The following RTKN2 variants were observed in gnomAD, a reference collection of about 807,000 sequenced individuals.
RTKN2 encodes rhotekin-2.
A neutral mutation model predicts 71.5 loss-of-function variants in RTKN2; 69 were observed. The ratio of observed to expected loss-of-function variants is 0.96; its 90% confidence interval spans 0.79 to 1.18. The LOEUF (loss-of-function observed/expected upper bound fraction) is 1.18, where lower values mean the gene tolerates loss of function less well. Ranked by LOEUF, RTKN2 falls within the 50% of genes most tolerant of loss-of-function variation. The pLI, the probability that RTKN2 is intolerant of heterozygous loss-of-function variation, is 0.00. For missense variants in RTKN2, 724 were observed against 719.7 expected (o/e 1.01, Z -0.07); for synonymous variants, 236 against 236.5 (o/e 1.00, Z 0.02).
downstream of RTKN2, among the ~76,000 whole-genome samples, chr10:62,190,623 G>T (rs747921858): frequency 6.6e-6 from 1 of 152,010 alleles, no homozygotes; most frequent in East Asian, 1.9e-4. Context: ...TAGCCATGTT[G>T]TCTAGAACAA....
intron 8 of RTKN2, among the ~76,000 whole-genome samples, chr10:62,187,846 G>A (rs892964176): frequency 1.3e-5 from 2 of 152,238 alleles, no homozygotes; most frequent in African/African-American, 2.4e-5. Flanking sequence ...ACTACTCAGA[G>A]AGAATCTGTC....
intron 3 of RTKN2, among the ~76,000 whole-genome samples, chr10:62,244,924 C>G (rs1161911501): frequency 2.0e-5 from 3 of 152,148 alleles, no homozygotes; most frequent in East Asian, 3.8e-4. Context: ...AAAAATATTA[C>G]TAGAAACAGT....
intron 1 of RTKN2, among the ~76,000 whole-genome samples, chr10:62,265,164 A>G (rs190709840): frequency 7.9e-5 from 12 of 152,200 alleles, no homozygotes; most frequent in African/African-American, 2.7e-4. Context: ...CTATTTATTA[A>G]GGAAATGAGG....
chr10:62,248,881 T>A (rs1357177042), intron 2 of RTKN2, among the ~76,000 whole-genome samples: 1 of 152,200 alleles, frequency 6.6e-6, no homozygotes, highest in African/African-American at 2.4e-5. Context: ...CATTTTACAT[T>A]TTCTTAACGA....
chr10:62,268,566 C>G lies in RTKN2; in HGVS notation c.45G>C (p.Gly15=). 3 of 1,563,636 alleles carry G rather than the reference C, an allele frequency of 1.9e-6. No homozygotes were observed. Among genetic ancestry groups the G allele is most frequent in the Non-Finnish European group, 2.6e-6 (3 of 1,153,942 alleles). ...SLRGPALRLA[G]LPTQQDCNIQ... ...CGCAACTCACCTGCTGGGTGGGAAGCCCCGCCAGGCGGAGCGCAGGACCCC... is the reference window on the plus strand; with the variant it reads ...CGCAACTCACCTGCTGGGTGGGAAGGCCCGCCAGGCGGAGCGCAGGACCCC... Residue 15 remains glycine (G), a synonymous_variant, in exon 1 of 12, where the codon GGG becomes GGC. Transcript: ENST00000373789.
At chr10:62,211,539 T>A (rs1841658256) in intron 9 of RTKN2, among the ~76,000 whole-genome samples, 1 of 152,202 alleles carries the variant, frequency 6.6e-6, no homozygotes, top group Non-Finnish European at 1.5e-5. Flanking sequence ...GAAAATTATT[T>A]TCATGAGAAA....
chr10:62,239,856 A>G, intron 4 of RTKN2, 91 bp from the exon 5 acceptor site: 1 of 690,342 alleles, frequency 1.4e-6, no homozygotes, highest in Non-Finnish European at 2.6e-6. Flanking sequence ...GTTAAATATT[A>G]TTAATAGATT....
In RTKN2 at chr10:62,194,122, T is replaced by C; in HGVS notation, c.*3786A>G. 1 of 979,024 alleles carries C rather than the reference T, an allele frequency of 1.0e-6. No individual in the cohort carries two copies. Among genetic ancestry groups the C allele is most frequent in the Non-Finnish European group, 1.2e-6 (1 of 824,086 alleles). 60.6% of individuals were successfully genotyped at this position (979,024 alleles called of 1,614,324 possible). On this transcript the variant is annotated 3_prime_UTR_variant, in exon 12 of 12. Transcript: ENST00000373789. ...TATAATACTTTTTAATCCAAAAGTC[T>C]GACCCATATTAAAAAATAAAAATTA... is the stretch of plus-strand genomic sequence containing the variant.
chr10:62,197,089 C>A lies in RTKN2; in HGVS notation c.*819G>T, dbSNP rs1841345921. On this transcript the variant is annotated 3_prime_UTR_variant, in exon 12 of 12. Transcript: ENST00000373789. ...CTGATATTTTTGAATCTCTCATCTT[C>A]TTTTTAAATAAGTATTAAATGAATT... 5.1e-6 allele frequency: 5 copies of A among 979,746 alleles called. No individual in the cohort carries two copies. Among genetic ancestry groups the A allele is most frequent in the Non-Finnish European group, 6.1e-6 (5 of 824,826 alleles). The allele number at this position is 979,746 out of a possible 1,614,324, so 60.7% of individuals were successfully genotyped here.
Position 62,251,736 on chromosome 10 carries a change from A to G in RTKN2, c.258-5679T>C, listed in dbSNP as rs893665094. On this transcript the variant is annotated intron_variant, in intron 2 of 11. Transcript: ENST00000373789. ...ATATGAAAGAAACCAGGAATCTAAAATCCAAAATTTGAGACTAGTAAAGAA... is the reference window on the plus strand; with the variant it reads ...ATATGAAAGAAACCAGGAATCTAAAGTCCAAAATTTGAGACTAGTAAAGAA... 3.3e-5 allele frequency among the ~76,000 whole-genome samples: 5 copies of G among 152,172 alleles called. No homozygotes were observed. In the East Asian group the frequency reaches 9.6e-4, roughly 29 times the overall value.
At chr10:62,264,078 A>T (rs995760082) in intron 1 of RTKN2, among the ~76,000 whole-genome samples, 1 of 152,228 alleles carries the variant, frequency 6.6e-6, no homozygotes, top group Non-Finnish European at 1.5e-5. Flanking sequence ...TGGCAAAAAA[A>T]TAAAGACTAT....
At chr10:62,204,734 C>T in intron 10 of RTKN2, 123 bp downstream of exon 10, 1 of 601,752 alleles carries the variant, frequency 1.7e-6, no homozygotes, top group Non-Finnish European at 2.7e-6. Context: ...TGATATACTA[C>T]CATTCTTTCA....
At chr10:62,248,630 AAGAC>A (rs978685205) in intron 2 of RTKN2, among the ~76,000 whole-genome samples, 1 of 152,176 alleles carries the variant, frequency 6.6e-6, no homozygotes, top group Non-Finnish European at 1.5e-5. Context: ...GCTAATTTAA[AAGAC>A]AGAGATAAAC....
chr10:62,245,948 G>T (rs776599378), intron 3 of RTKN2, 51 bp downstream of exon 3: 2 of 1,138,924 alleles, frequency 1.8e-6, no homozygotes, highest in East Asian at 2.4e-5. Context: ...CCACCATGTA[G>T]TTACGTTATA....
chr10:62,244,657 T>C (rs1371265614), intron 3 of RTKN2, among the ~76,000 whole-genome samples: 1 of 152,142 alleles, frequency 6.6e-6, no homozygotes, highest in Non-Finnish European at 1.5e-5. Context: ...AAAAAATTTA[T>C]TGCACATAAT....
intron 6 of RTKN2, among the ~76,000 whole-genome samples, chr10:62,232,982 G>A (rs533344126): frequency 1.6e-4 from 24 of 152,200 alleles, no homozygotes; most frequent in Admixed American, 1.2e-3. Context: ...TAAAAATTGA[G>A]TATTCATGGA....
At chr10:62,210,024 T>C (rs1039961170) in intron 9 of RTKN2, among the ~76,000 whole-genome samples, 4 of 152,188 alleles carry the variant, frequency 2.6e-5, no homozygotes, top group African/African-American at 4.8e-5. Context: ...CTTTAGGTCT[T>C]TGAGGAATCA....
intron 11 of RTKN2, 101 bp downstream of exon 11, chr10:62,199,653 C>T: frequency 3.3e-6 from 2 of 612,998 alleles, no homozygotes; most frequent in Non-Finnish European, 5.8e-6. Flanking sequence ...TGATTGTGCC[C>T]TGAAAATTTT....
intron 1 of RTKN2, among the ~76,000 whole-genome samples, chr10:62,265,879 T>C (rs1378911655): frequency 6.6e-6 from 1 of 152,146 alleles, no homozygotes; most frequent in Non-Finnish European, 1.5e-5. Flanking sequence ...AGAAGATGAG[T>C]AGGGAATGGA....
Sources: allele counts gnomAD v4.1 joint callset (sites outside exome capture counted in the v4.1 genomes callset), GRCh38; gene constraint gnomAD v4.1.1; transcripts MANE v1.5; gene names NCBI Gene and HGNC (gene_info 2026-07-23, HGNC 2026-07-21).